Variants in RBFOX1 observed in about 807,000 individuals in gnomAD.
The protein encoded by RBFOX1 is RNA binding protein fox-1 homolog 1.
Under a neutral mutation model 57.7 loss-of-function variants are expected in RBFOX1, and 8 were observed. That is an observed-to-expected ratio of 0.14 (90% CI 0.08 to 0.25). The LOEUF is 0.25. Among genes scored for constraint, RBFOX1 ranks in the 10% least tolerant of loss-of-function variants. The pLI, the probability that RBFOX1 is intolerant of heterozygous loss-of-function variation, is 1.00. For missense variants in RBFOX1, 611 were observed against 548.5 expected, an observed-to-expected ratio of 1.11 and a Z score of -1.14; for synonymous variants, 326 against 222.4, an observed-to-expected ratio of 1.47 and a Z score of -4.15.
chr16:7,520,035 G>A (rs1031132530), intron 5 of RBFOX1, among the ~76,000 whole-genome samples: 12 of 152,060 alleles, frequency 7.9e-5, no homozygotes, highest in Non-Finnish European at 1.5e-4. Flanking sequence ...ACAGGCACCC[G>A]CCACCATGTC....
chr16:5,263,977 C>A (rs1205541971), intron 1 of RBFOX1, among the ~76,000 whole-genome samples: 2 of 152,090 alleles, frequency 1.3e-5, no homozygotes, highest in Non-Finnish European at 2.9e-5. Context: ...TGGGCAGTTG[C>A]AAGGCAAGTC....
At chr16:7,468,509 T>C (rs894650704) in intron 4 of RBFOX1, among the ~76,000 whole-genome samples, 156 of 151,846 alleles carry the variant, frequency 1.0e-3, no homozygotes, top group Non-Finnish European at 3.7e-4. Flanking sequence ...CATTGGAGTT[T>C]CCTTCCTTCT....
At chr16:6,209,652 A>C (rs1388279079) in intron 1 of RBFOX1, among the ~76,000 whole-genome samples, 1 of 152,184 alleles carries the variant, frequency 6.6e-6, no homozygotes, top group Non-Finnish European at 1.5e-5. Flanking sequence ...TTCTCCTGAG[A>C]CCTTCTGAAT....
chr16:5,960,341 A>C (rs2059723525), intron 4 of RBFOX1, among the ~76,000 whole-genome samples: 4 of 152,204 alleles, frequency 2.6e-5, no homozygotes, highest in Admixed American at 2.0e-4. Flanking sequence ...TTATTTATTC[A>C]CAGTCACACG....
intron 1 of RBFOX1, among the ~76,000 whole-genome samples, chr16:5,301,957 C>G (rs2063817849): frequency 6.6e-6 from 1 of 152,062 alleles, no homozygotes; most frequent in African/African-American, 2.4e-5. Context: ...TGATTTCTCT[C>G]TCATTTTTAT....
chr16:5,995,260 C>T (rs1378200781), intron 4 of RBFOX1, among the ~76,000 whole-genome samples: 4 of 152,142 alleles, frequency 2.6e-5, no homozygotes, highest in African/African-American at 9.7e-5. Flanking sequence ...GCGTTGCTTT[C>T]TTTTTGCAAA....
chr16:5,783,342 C>G (rs1482958220), intron 3 of RBFOX1, among the ~76,000 whole-genome samples: 1 of 152,158 alleles, frequency 6.6e-6, no homozygotes, highest in Non-Finnish European at 1.5e-5. Flanking sequence ...TTGTACCAAT[C>G]TGTGGTAACC....
chr16:6,961,532 C>T (rs527660277), intron 3 of RBFOX1, among the ~76,000 whole-genome samples: 4 of 152,192 alleles, frequency 2.6e-5, no homozygotes, highest in Non-Finnish European at 5.9e-5. Flanking sequence ...AAAGTCAAAG[C>T]AAGTTTATTA....
chr16:7,159,622 G>A (rs1031603138), intron 4 of RBFOX1, among the ~76,000 whole-genome samples: 9 of 152,108 alleles, frequency 5.9e-5, no homozygotes, highest in Admixed American at 1.3e-4. Flanking sequence ...GTCATCTCCC[G>A]CTTATCGTGT....
At chr16:7,692,219 AAAT>A (rs1208044078) in intron 14 of RBFOX1, among the ~76,000 whole-genome samples, 1 of 152,146 alleles carries the variant, frequency 6.6e-6, no homozygotes, top group African/African-American at 2.4e-5. Flanking sequence ...AAAGTACTAA[AAAT>A]ATTATTCTCA....
At chr16:6,904,278 T>G (rs187077570) in intron 3 of RBFOX1, among the ~76,000 whole-genome samples, 152 of 152,276 alleles carry the variant, frequency 1.0e-3, no homozygotes, top group African/African-American at 3.5e-3. Flanking sequence ...CTGTTCTCTG[T>G]GAGGCACGAG....
intron 2 of RBFOX1, among the ~76,000 whole-genome samples, chr16:6,434,394 A>C (rs377195935): frequency 6.6e-6 from 1 of 152,102 alleles, no homozygotes; most frequent in Non-Finnish European, 1.5e-5. Context: ...CTCGATGGCC[A>C]TGAAGGCTCC....
At chr16:6,405,107 A>T (rs2093228829) in intron 2 of RBFOX1, among the ~76,000 whole-genome samples, 1 of 152,198 alleles carries the variant, frequency 6.6e-6, no homozygotes, top group South Asian at 2.1e-4. Context: ...CTTTAATAGA[A>T]AACTTATTGT....
chr16:7,555,405 G>C (rs529243183), intron 5 of RBFOX1, among the ~76,000 whole-genome samples: 1 of 152,252 alleles, frequency 6.6e-6, no homozygotes, highest in East Asian at 1.9e-4. Flanking sequence ...TACCTTCCTC[G>C]TTCTGATAAA....
chr16:6,652,332 C>T (rs1299983830), intron 2 of RBFOX1, among the ~76,000 whole-genome samples: 1 of 152,034 alleles, frequency 6.6e-6, no homozygotes, highest in Non-Finnish European at 1.5e-5. Context: ...TCGGTAGTCC[C>T]AGCTACTCGG....
intron 5 of RBFOX1, among the ~76,000 whole-genome samples, chr16:7,563,416 G>A (rs763909843): frequency 8.5e-5 from 13 of 152,170 alleles, no homozygotes; most frequent in East Asian, 1.9e-4. Flanking sequence ...ATTGTGTTTC[G>A]AAGTCTATAA....
intron 3 of RBFOX1, among the ~76,000 whole-genome samples, chr16:5,849,250 T>G (rs1283409434): frequency 6.6e-6 from 1 of 152,182 alleles, no homozygotes; most frequent in Non-Finnish European, 1.5e-5. Context: ...TTCTTGACTT[T>G]AAGGACGATG....
chr16:6,927,414 C>CA (rs1194663760), intron 3 of RBFOX1, among the ~76,000 whole-genome samples: 952 of 53,140 alleles, frequency 0.018, 62 homozygotes, highest in Middle Eastern at 0.069. Flanking sequence ...CGCTTTCTCA[C>CA]AAAAAAAAAA....
At chr16:6,933,036 C>G (rs762865321) in intron 3 of RBFOX1, among the ~76,000 whole-genome samples, 14 of 152,186 alleles carry the variant, frequency 9.2e-5, no homozygotes, top group Non-Finnish European at 8.8e-5. Flanking sequence ...AGCATAATAT[C>G]CTTAAGGTTC....
Sources: allele counts gnomAD v4.1 joint callset (sites outside exome capture counted in the v4.1 genomes callset), GRCh38; gene constraint gnomAD v4.1.1; transcripts MANE v1.5; gene names NCBI Gene and HGNC (gene_info 2026-07-23, HGNC 2026-07-21).